AGMO: variants seen among roughly 807,000 people sequenced by gnomAD.
AGMO encodes the protein glyceryl-ether monooxygenase.
In AGMO, 75 loss-of-function variants were observed where a neutral mutation model predicts 60.2. That is an observed-to-expected ratio of 1.25 (90% confidence interval 1.03 to 1.51). The LOEUF is 1.51. AGMO is among the 40% of genes most tolerant of loss of function. AGMO has a pLI of 0.00. For missense variants in AGMO, 763 were observed against 525.5 expected, an observed-to-expected ratio of 1.45 and a Z score of -4.42; for synonymous variants, 261 against 177.1, an observed-to-expected ratio of 1.47 and a Z score of -3.76.
At chr7:15,329,272 AC>A (rs1781432777) in intron 12 of AGMO, among the ~76,000 whole-genome samples, 1 of 152,240 alleles carries the variant, frequency 6.6e-6, no homozygotes, top group Non-Finnish European at 1.5e-5. Context: ...AATTCTTGAC[AC>A]ATAGTTGCTT....
At position 15,236,225 on chromosome 7, in the gene AGMO, G is replaced by C. The variant is rs185153842; in HGVS notation, c.1264-34866C>G. On this transcript the variant is annotated intron_variant, in intron 12 of 12. Coordinates refer to ENST00000342526, the MANE Select transcript of AGMO (RefSeq NM_001004320.2). ...GGAAAAGGTAAATTTCTATCAGTTT[G>C]GGGTGGTTGAATAATACTCTGTCTA... 3.0e-3 allele frequency among the ~76,000 whole-genome samples: 455 copies of C among 152,088 alleles called. 3 individuals are homozygous for C. Among genetic ancestry groups the C allele is most frequent in the African/African-American group, 0.01 (435 of 41,504 alleles).
At chr7:15,422,349 A>G (rs1241236640) in intron 4 of AGMO, among the ~76,000 whole-genome samples, 1 of 152,084 alleles carries the variant, frequency 6.6e-6, no homozygotes, top group Non-Finnish European at 1.5e-5. Flanking sequence ...AGGAAGAGGG[A>G]AAATGCCAAG....
chr7:15,202,458 C>CAAAAAAAAAAAAAAAAAA lies in AGMO; in HGVS notation c.1264-1117_1264-1100dup, dbSNP rs71004370. ...CACCAACAACCAAAATACAAATGAG[C>CAAAAAAAAAAAAAAAAAA]AAAAAAAAAAAAAAAAAAAAAAAAA... On this transcript the variant is annotated intron_variant, in intron 12 of 12. Coordinates refer to ENST00000342526, the MANE Select transcript of AGMO (RefSeq NM_001004320.2). Among the ~76,000 whole-genome samples, 38 of 45,362 alleles carry CAAAAAAAAAAAAAAAAAA rather than the reference C, an allele frequency of 8.4e-4. 3 individuals carry two copies. The highest frequency in any genetic ancestry group is 4.4e-3 in the East Asian group (4 of 914). The allele number at this position is 45,362 out of a possible 152,430, so 29.8% of individuals were successfully genotyped here.
intron 12 of AGMO, among the ~76,000 whole-genome samples, chr7:15,344,447 G>A (rs572707106): frequency 2.8e-4 from 43 of 152,176 alleles, no homozygotes; most frequent in Non-Finnish European, 7.4e-5. Context: ...CTCCTGTAAT[G>A]CCAGCACTTT....
intron 2 of AGMO, among the ~76,000 whole-genome samples, chr7:15,559,556 C>A (rs1785244605): frequency 6.6e-6 from 1 of 151,976 alleles, no homozygotes. Flanking sequence ...ACAGGATAAA[C>A]ATGACAAATA....
At chr7:15,481,688 T>C (rs1782754960) in intron 3 of AGMO, among the ~76,000 whole-genome samples, 1 of 151,456 alleles carries the variant, frequency 6.6e-6, no homozygotes, top group Non-Finnish European at 1.5e-5. Flanking sequence ...AATGAGAATA[T>C]AGAAATTAGA....
chr7:15,479,848 GT>G (rs1004629224), intron 3 of AGMO, among the ~76,000 whole-genome samples: 3 of 152,092 alleles, frequency 2.0e-5, no homozygotes, highest in African/African-American at 7.2e-5. Context: ...GGTAGGAGTG[GT>G]GATGAGAGCT....
intron 4 of AGMO, among the ~76,000 whole-genome samples, chr7:15,422,694 G>A (rs1205047026): frequency 1.3e-5 from 2 of 152,154 alleles, no homozygotes; most frequent in Non-Finnish European, 2.9e-5. Context: ...GCAGTCTCAT[G>A]TCCATGGCTT....
At chr7:15,160,735 T>C in the AGMO span, among the ~76,000 whole-genome samples, 1 of 152,208 alleles carries the variant, frequency 6.6e-6, no homozygotes, top group African/African-American at 2.4e-5. Context: ...ATGTGTCAAA[T>C]AGGTTAGGCC....
intron 3 of AGMO, among the ~76,000 whole-genome samples, chr7:15,536,689 A>G (rs901707587): frequency 5.9e-5 from 9 of 151,904 alleles, no homozygotes; most frequent in Non-Finnish European, 8.8e-5. Flanking sequence ...AAATTAATAC[A>G]TAAGTAAATG....
chr7:15,406,720 T>TG (rs756610185), intron 5 of AGMO, among the ~76,000 whole-genome samples: 20 of 79,066 alleles, frequency 2.5e-4, no homozygotes, highest in Non-Finnish European at 3.1e-4. Flanking sequence ...TGTATATATA[T>TG]GTATATACAC....
chr7:15,494,668 G>T (rs1783174621), intron 3 of AGMO, among the ~76,000 whole-genome samples: 1 of 152,194 alleles, frequency 6.6e-6, no homozygotes, highest in African/African-American at 2.4e-5. Context: ...TGATAGTTAT[G>T]TCAATAAATG....
intron 10 of AGMO, among the ~76,000 whole-genome samples, chr7:15,380,411 T>C (rs1012942947): frequency 3.9e-5 from 6 of 152,014 alleles, no homozygotes; most frequent in Non-Finnish European, 8.8e-5. Context: ...CCATTAATAA[T>C]TGCCACAAGA....
At chr7:15,401,131 CTACCT>C (rs1784542585) in intron 5 of AGMO, among the ~76,000 whole-genome samples, 1 of 152,088 alleles carries the variant, frequency 6.6e-6, no homozygotes. Flanking sequence ...AGTTTTCTCA[CTACCT>C]TACATTACCT....
At chr7:15,433,588 A>C (rs1398082701) in intron 3 of AGMO, among the ~76,000 whole-genome samples, 1 of 152,158 alleles carries the variant, frequency 6.6e-6, no homozygotes, top group African/African-American at 2.4e-5. Flanking sequence ...TAATGCATTT[A>C]TATGATCATC....
chr7:15,340,488 A>T (rs1276821768), intron 12 of AGMO, among the ~76,000 whole-genome samples: 1 of 152,138 alleles, frequency 6.6e-6, no homozygotes, highest in Non-Finnish European at 1.5e-5. Context: ...CTCGGGGGGA[A>T]CAATGGTTTC....
At chr7:15,537,726 T>C (rs764698535) in intron 3 of AGMO, among the ~76,000 whole-genome samples, 3 of 152,126 alleles carry the variant, frequency 2.0e-5, no homozygotes, top group Non-Finnish European at 2.9e-5. Flanking sequence ...ATAATAGCCA[T>C]AATCTTTTTT....
At chr7:15,386,362 A>AT (rs546127106) in intron 9 of AGMO, among the ~76,000 whole-genome samples, 6 of 152,264 alleles carry the variant, frequency 3.9e-5, no homozygotes, top group Non-Finnish European at 8.8e-5. Flanking sequence ...ACACATCTAT[A>AT]TTTTTTAATG....
chr7:15,491,353 G>A (rs887580671), intron 3 of AGMO, among the ~76,000 whole-genome samples: 4 of 152,178 alleles, frequency 2.6e-5, no homozygotes, highest in African/African-American at 7.2e-5. Context: ...TCATGCCTAC[G>A]GTGATCTTAG....
Sources: allele counts gnomAD v4.1 joint callset (sites outside exome capture counted in the v4.1 genomes callset), GRCh38; gene constraint gnomAD v4.1.1; transcripts MANE v1.5; gene names NCBI Gene and HGNC (gene_info 2026-07-23, HGNC 2026-07-21).